The following ITGA1 variants were observed in gnomAD, a reference collection of about 807,000 sequenced individuals.
The protein encoded by ITGA1 is integrin alpha-1.
Under a neutral mutation model 145.9 loss-of-function variants are expected in ITGA1, and 85 were observed. That is an observed-to-expected ratio of 0.58 (90% confidence interval 0.49 to 0.70). ITGA1 has a LOEUF of 0.70. Among genes scored for constraint, ITGA1 ranks in the 30% least tolerant of loss-of-function variants. The pLI is 0.00. For synonymous variants in ITGA1, 520 were observed against 495.3 expected (o/e 1.05, Z -0.66); for missense variants, 1,351 against 1,418.7 (o/e 0.95, Z 0.77).
chr5:52,892,992 G>T (rs1166954477), intron 8 of ITGA1, among the ~76,000 whole-genome samples: 2 of 151,362 alleles, frequency 1.3e-5, no homozygotes. Flanking sequence ...ATAATTTATT[G>T]CAATAAACCT....
intron 1 of ITGA1, among the ~76,000 whole-genome samples, chr5:52,834,882 T>G (rs1200649775): frequency 8.6e-5 from 13 of 152,024 alleles, no homozygotes; most frequent in Admixed American, 8.5e-4. Flanking sequence ...CTTCAACATA[T>G]GAATCTCAGG....
chr5:52,885,819 G>T (rs6886819), intron 7 of ITGA1, among the ~76,000 whole-genome samples: 1 of 152,122 alleles, frequency 6.6e-6, no homozygotes. Flanking sequence ...GGTTCTGATT[G>T]GTAAAGTCTC....
At position 52,804,046 on chromosome 5, in the gene ITGA1, A is replaced by T. The variant is rs1485162880; in HGVS notation, c.61+15632A>T. 115 of 152,290 alleles carry T rather than the reference A, an allele frequency of 7.6e-4. 2 individuals carry two copies. The highest frequency in any genetic ancestry group is 2.9e-5 in the Non-Finnish European group (2 of 68,010). The allele number at this position is 152,290 out of a possible 1,614,324, so 9.4% of individuals were successfully genotyped here. A position where few individuals can be genotyped will look rare whatever the true frequency, so the allele number is the denominator to read the frequency against. On this transcript the variant is annotated intron_variant, in intron 1 of 28. Transcript: ENST00000282588. ...ATTTAACTCATTTTTAAGAAATTAC[A>T]TTTTCTGTTATCAAGAATACAATTC...
At chr5:52,850,066 G>A (rs911633659) in intron 2 of ITGA1, among the ~76,000 whole-genome samples, 2 of 150,570 alleles carry the variant, frequency 1.3e-5, no homozygotes, top group East Asian at 2.0e-4. Context: ...ACAGTGGAGC[G>A]ATCTCAGCTC....
chr5:52,934,738 T>C (rs1750940764), intron 23 of ITGA1, among the ~76,000 whole-genome samples: 1 of 151,870 alleles, frequency 6.6e-6, no homozygotes, highest in Non-Finnish European at 1.5e-5. Flanking sequence ...TTCAAAAATA[T>C]GAGATAATGC....
At chr5:52,792,039 A>G (rs1294131843) in intron 1 of ITGA1, among the ~76,000 whole-genome samples, 1 of 152,230 alleles carries the variant, frequency 6.6e-6, no homozygotes, top group Non-Finnish European at 1.5e-5. Context: ...AGACCTAATT[A>G]ATGATACAAG....
intron 2 of ITGA1, among the ~76,000 whole-genome samples, chr5:52,858,565 T>C (rs1201574529): frequency 3.3e-5 from 5 of 152,240 alleles, no homozygotes; most frequent in African/African-American, 1.2e-4. Flanking sequence ...TAAACATTAA[T>C]TACTCCAGCC....
intron 1 of ITGA1, among the ~76,000 whole-genome samples, chr5:52,837,845 CA>C (rs1458148819): frequency 2.6e-5 from 4 of 151,918 alleles, no homozygotes; most frequent in Non-Finnish European, 5.9e-5. Context: ...ACTAAGAAAA[CA>C]AAGTTTAGAG....
chr5:52,927,745 A>C, intron 20 of ITGA1, 81 bp downstream of exon 20: 1 of 915,586 alleles, frequency 1.1e-6, no homozygotes, highest in Non-Finnish European at 1.7e-6. Flanking sequence ...AATCCTTCCA[A>C]TGGTAGTTTA....
intron 1 of ITGA1, among the ~76,000 whole-genome samples, chr5:52,818,758 T>C (rs1351015943): frequency 6.6e-6 from 1 of 152,188 alleles, no homozygotes; most frequent in African/African-American, 2.4e-5. Context: ...CACCAACACA[T>C]ACATTAGAAA....
At chr5:52,874,614 C>G (rs1487466221) in intron 6 of ITGA1, among the ~76,000 whole-genome samples, 3 of 152,092 alleles carry the variant, frequency 2.0e-5, no homozygotes. Flanking sequence ...CTCCCTCTTT[C>G]TTCTCTGCAC....
At chr5:52,843,135 A>G (rs1162913451) in intron 1 of ITGA1, among the ~76,000 whole-genome samples, 2 of 152,206 alleles carry the variant, frequency 1.3e-5, no homozygotes, top group Non-Finnish European at 2.9e-5. Flanking sequence ...CTGTATCTCC[A>G]GGGATCACTA....
intron 6 of ITGA1, among the ~76,000 whole-genome samples, chr5:52,876,593 G>A (rs1227994791): frequency 1.3e-5 from 2 of 151,670 alleles, no homozygotes; most frequent in African/African-American, 4.9e-5. Flanking sequence ...CTGCTATCTC[G>A]GTTTTCCATT....
At chr5:52,893,199 G>T (rs190706503) in intron 8 of ITGA1, among the ~76,000 whole-genome samples, 1 of 152,066 alleles carries the variant, frequency 6.6e-6, no homozygotes, top group Non-Finnish European at 1.5e-5. Flanking sequence ...ACTTAGTCCA[G>T]TATGTGTTTA....
chr5:52,836,532 G>A (rs1319977911), intron 1 of ITGA1, among the ~76,000 whole-genome samples: 1 of 152,080 alleles, frequency 6.6e-6, no homozygotes, highest in Non-Finnish European at 1.5e-5. Context: ...GAATATGAAT[G>A]CGAGATGACA....
intron 1 of ITGA1, among the ~76,000 whole-genome samples, chr5:52,831,889 G>C (rs1580052323): frequency 6.6e-6 from 1 of 152,094 alleles, no homozygotes; most frequent in East Asian, 1.9e-4. Context: ...TTTACTCTCT[G>C]TCCTTTTAAG....
chr5:52,825,480 G>A (rs1369775766), intron 1 of ITGA1, among the ~76,000 whole-genome samples: 3 of 152,154 alleles, frequency 2.0e-5, no homozygotes, highest in African/African-American at 7.2e-5. Context: ...GGGGCCTTGT[G>A]ATCAGTGGTG....
In ITGA1 at chr5:52,954,950, TA is replaced by T. The variant is rs1005420928; in HGVS notation, c.*2503del. On this transcript the variant is annotated 3_prime_UTR_variant, in exon 29 of 29. Transcript: ENST00000282588. ...TGTACTAGACTCTATCATTTACTTT[TA>T]AAACATTTAATTAGAAAAACAGGTG... The T allele has an allele frequency of 6.6e-6, 1 of 152,196 alleles. No homozygotes were observed. Among genetic ancestry groups the T allele is most frequent in the Admixed American group, 6.5e-5 (1 of 15,276 alleles). The allele number at this position is 152,196 out of a possible 1,614,324, so 9.4% of individuals were successfully genotyped here.
In ITGA1 at chr5:52,954,501, G is replaced by A. The variant is rs544573049; in HGVS notation, c.*2050G>A. ...AAAAGAGAGGAAGAGCTGTTGGCCA[G>A]ATCAAAGAGATACTTATAAGCCCGG... On this transcript the variant is annotated 3_prime_UTR_variant, in exon 29 of 29. Coordinates refer to ENST00000282588, the MANE Select transcript of ITGA1 (RefSeq NM_181501.2). 6.6e-6 allele frequency: 1 copy of A among 152,330 alleles called. No homozygotes were observed. The highest frequency in any genetic ancestry group is 1.5e-5 in the Non-Finnish European group (1 of 68,022). The allele number at this position is 152,330 out of a possible 1,614,324, so 9.4% of individuals were successfully genotyped here.
Sources: gnomAD v4.1 joint callset for allele counts (sites outside exome capture counted in the v4.1 genomes callset) on GRCh38, gnomAD v4.1.1 for gene constraint, MANE v1.5 for transcripts, NCBI Gene and HGNC (gene_info 2026-07-23, HGNC 2026-07-21) for gene names.